DMD: variants seen among roughly 807,000 people sequenced by gnomAD.
The protein encoded by DMD is dystrophin, also known as mutant dystrophin.
DMD carries 63 observed loss-of-function variants against 330.1 expected under a neutral mutation model. The observed-to-expected ratio is 0.19, with a 90% confidence interval of 0.16 to 0.24. The LOEUF is 0.24. DMD is among the 10% of genes least tolerant of loss of function. DMD has a pLI of 1.00. For synonymous variants in DMD, 1,223 were observed against 959.8 expected, an observed-to-expected ratio of 1.27 and a Z score of -5.07; for missense variants, 3,344 against 2,684.1, an observed-to-expected ratio of 1.25 and a Z score of -5.43.
At chrX:32,908,136 T>C (rs1440416598) in intron 2 of DMD, among the ~76,000 whole-genome samples, 1 of 112,346 alleles carries the variant, frequency 8.9e-6, no homozygotes, top group Admixed American at 9.5e-5. Context: ...TAAAATGTGA[T>C]GTAGGCTCTA....
intron 50 of DMD, among the ~76,000 whole-genome samples, chrX:31,785,551 C>T (rs1343871921): frequency 9.0e-6 from 1 of 111,038 alleles, no homozygotes; most frequent in Non-Finnish European, 1.9e-5. Flanking sequence ...GTTTGCTGTA[C>T]CCATCAACCC....
At chrX:31,265,798 T>G (rs1219644495) in intron 62 of DMD, among the ~76,000 whole-genome samples, 1,315 of 5,223 alleles carry the variant, frequency 0.25, 1 homozygote, top group Middle Eastern at 0.33. Flanking sequence ...GGGGGGGGGG[T>G]GGGTGACAAG....
chrX:32,196,705 G>GC (rs1703011650), intron 44 of DMD, among the ~76,000 whole-genome samples: 1 of 110,274 alleles, frequency 9.1e-6, no homozygotes, highest in Non-Finnish European at 1.9e-5. Flanking sequence ...AAGACAGGTG[G>GC]CCTGGCACGG....
chrX:31,306,440 G>C (rs1158504822), intron 62 of DMD, among the ~76,000 whole-genome samples: 1 of 110,980 alleles, frequency 9.0e-6, no homozygotes, highest in Non-Finnish European at 1.9e-5. Context: ...TTTCCTATTG[G>C]TTTATTATTT....
chrX:32,719,022 T>C (rs1175300270), intron 7 of DMD, among the ~76,000 whole-genome samples: 1 of 111,886 alleles, frequency 8.9e-6, no homozygotes, highest in Non-Finnish European at 1.9e-5. Context: ...AATAGTCTGA[T>C]TCAATTACCT....
At chrX:31,456,127 C>T (rs771867591) in intron 59 of DMD, among the ~76,000 whole-genome samples, 1 of 111,370 alleles carries the variant, frequency 9.0e-6, no homozygotes, top group East Asian at 2.8e-4. Flanking sequence ...AGAAAAGTTA[C>T]TTAAATAATG....
chrX:33,067,306 G>A (rs1467064331), intron 1 of DMD, among the ~76,000 whole-genome samples: 6 of 112,087 alleles, frequency 5.4e-5, no homozygotes, highest in Middle Eastern at 4.7e-3. Context: ...TGGATTCTCC[G>A]AATGATTATA....
chrX:32,834,109 A>G (rs1187248536), intron 4 of DMD, among the ~76,000 whole-genome samples: 1 of 111,727 alleles, frequency 9.0e-6, no homozygotes, highest in Admixed American at 9.6e-5. Context: ...TTCGCAGATG[A>G]TAAAGTGAGT....
intron 13 of DMD, among the ~76,000 whole-genome samples, chrX:32,585,087 C>G (rs1375731630): frequency 9.0e-6 from 1 of 110,981 alleles, no homozygotes; most frequent in Admixed American, 9.6e-5. Context: ...TAAGCAGGCA[C>G]AGAAAGACAA....
intron 60 of DMD, among the ~76,000 whole-genome samples, chrX:31,436,650 C>T (rs1457236539): frequency 8.9e-6 from 1 of 111,928 alleles, no homozygotes; most frequent in Non-Finnish European, 1.9e-5. Flanking sequence ...TGTTCTTAAG[C>T]TTGACAGTAC....
Position 31,119,605 on chromosome X carries a change from A to G in DMD, c.*2314T>C, listed in dbSNP as rs1057515853. 8.9e-6 allele frequency: 1 copy of G among 112,639 alleles called. No homozygotes were observed. The highest frequency in any genetic ancestry group is 1.9e-5 in the Non-Finnish European group (1 of 53,192). 9.3% of individuals were successfully genotyped at this position (112,639 alleles called of 1,213,427 possible). ...ATTATGACAGACTCACTCCAGAGCT[A>G]ATGTGTCTAAAAGAAAAACAAAAAG... On this transcript the variant is annotated 3_prime_UTR_variant, in exon 79 of 79. Transcript: ENST00000357033.
intron 18 of DMD, among the ~76,000 whole-genome samples, chrX:32,509,754 C>T (rs2045083520): frequency 8.9e-6 from 1 of 111,966 alleles, no homozygotes; most frequent in Non-Finnish European, 1.9e-5. Flanking sequence ...CCTCCAACTT[C>T]AGAGGTCACC....
chrX:32,816,720 A>C lies in DMD; in HGVS notation c.358-80T>G, dbSNP rs17338849. The C allele has an allele frequency of 4.3e-3, 4,248 of 979,127 alleles. 77 individuals carry two copies. The East Asian group carries it at 0.072, about 17-fold the overall frequency. 80.7% of individuals were successfully genotyped at this position (979,127 alleles called of 1,213,427 possible). On this transcript the variant is annotated intron_variant, in intron 5 of 78. Transcript: ENST00000357033. ...GCAAACTTAAATATGAATGTCCTTG[A>C]TCTTCAGTGATAAATAGAAATTTTA...
chrX:31,353,687 G>T (rs1002332552), intron 60 of DMD, among the ~76,000 whole-genome samples: 18 of 111,725 alleles, frequency 1.6e-4, no homozygotes, highest in African/African-American at 5.5e-4. Context: ...GGAACATAAT[G>T]AATTTGTCCT....
chrX:32,099,967 C>A (rs6653578), intron 44 of DMD, among the ~76,000 whole-genome samples: 41,086 of 108,663 alleles, frequency 0.38, 7,281 homozygotes, highest in African/African-American at 0.66. Context: ...TAATCTGGCT[C>A]ACAGACAATT....
At chrX:31,230,624 GGGCGACAGAATGA>G (rs1390624773) in intron 63 of DMD, among the ~76,000 whole-genome samples, 30 of 107,964 alleles carry the variant, frequency 2.8e-4, no homozygotes, top group Middle Eastern at 9.3e-3. Context: ...ACTTCAGCCT[GGGCGACAGAATGA>G]GACTCCATCT....
chrX:31,594,296 A>G (rs2077013232), intron 55 of DMD, among the ~76,000 whole-genome samples: 1 of 110,523 alleles, frequency 9.0e-6, no homozygotes, highest in Non-Finnish European at 1.9e-5. Flanking sequence ...AACCATTGCA[A>G]TAGACAAATT....
chrX:32,313,610 T>C (rs1187425183), intron 41 of DMD, among the ~76,000 whole-genome samples: 2 of 111,287 alleles, frequency 1.8e-5, no homozygotes, highest in Non-Finnish European at 3.8e-5. Flanking sequence ...GAAGTCAAAT[T>C]ATCTCTGTTT....
At chrX:31,201,758 C>T (rs933374097) in intron 67 of DMD, among the ~76,000 whole-genome samples, 1 of 111,840 alleles carries the variant, frequency 8.9e-6, no homozygotes, top group African/African-American at 3.3e-5. Flanking sequence ...TCCAGCTGGC[C>T]CTGAATACAG....
Sources: allele counts gnomAD v4.1 joint callset (sites outside exome capture counted in the v4.1 genomes callset), GRCh38; gene constraint gnomAD v4.1.1; transcripts MANE v1.5; gene names NCBI Gene and HGNC (gene_info 2026-07-23, HGNC 2026-07-21).